GMEB2: variants seen among roughly 807,000 people sequenced by gnomAD.
GMEB2 encodes the protein glucocorticoid modulatory element binding protein 2.
GMEB2 carries 7 observed loss-of-function variants against 45.7 expected under a neutral mutation model. That is an observed-to-expected ratio of 0.15 (90% CI 0.09 to 0.29). The LOEUF is 0.29. Ranked by LOEUF, GMEB2 falls within the 10% of genes least tolerant of loss-of-function variation. The probability of loss-of-function intolerance (pLI) is 1.00; values close to 1 mark genes in which losing one functional copy is unlikely to be tolerated. For missense variants in GMEB2, 582 were observed against 739.2 expected (o/e 0.79, Z 2.47); for synonymous variants, 322 against 323.6 (o/e 1.00, Z 0.05).
rs780762820 is a variant in GMEB2, at chr20:63,593,106, G to A, written c.620-24C>T. 4.4e-5 allele frequency: 66 copies of A among 1,514,230 alleles called. No individual in the cohort carries two copies. Among genetic ancestry groups the A allele is most frequent in the Non-Finnish European group, 3.5e-5 (38 of 1,093,450 alleles). The allele number at this position is 1,514,230 out of a possible 1,614,324, so 93.8% of individuals were successfully genotyped here. ...CACTGCAGCCGAAAGGGAACCTCGGGTGAGTGCTGTTTGGACCACAGTCCC... is the reference window on the plus strand; with the variant it reads ...CACTGCAGCCGAAAGGGAACCTCGGATGAGTGCTGTTTGGACCACAGTCCC... On this transcript the variant is annotated intron_variant, in intron 6 of 9. Coordinates refer to ENST00000370077, the MANE Select transcript of GMEB2 (RefSeq NM_012384.5). This position sits in a 1 kb window ranked among gnomAD's most constrained non-coding sequence, Gnocchi z 4.7.
At chr20:63,626,833 G>GCCCTC (rs2089678529) in intron 1 of GMEB2, 123 bp downstream of exon 1, 1 of 146,390 alleles carries the variant, frequency 6.8e-6, no homozygotes, top group Non-Finnish European at 1.5e-5. Flanking sequence ...CCCTCCCCCG[G>GCCCTC]CCCTCCCCTC....
At chr20:63,599,230 A>ACGCGGCCG (rs2083223756) in intron 4 of GMEB2, among the ~76,000 whole-genome samples, 1 of 151,342 alleles carries the variant, frequency 6.6e-6, no homozygotes, top group Admixed American at 6.6e-5. Flanking sequence ...CCCGGAGCTA[A>ACGCGGCCG]CTCGGCCCGC....
intron 2 of GMEB2, among the ~76,000 whole-genome samples, chr20:63,606,636 T>C (rs4809584): frequency 0.79 from 120,022 of 152,154 alleles, 49,025 homozygotes; most frequent in Non-Finnish European, 0.92. Flanking sequence ...CATGAGCCAC[T>C]GCGCCCAGCC....
At chr20:63,614,539 G>C (rs553238584) in intron 2 of GMEB2, among the ~76,000 whole-genome samples, 1 of 152,076 alleles carries the variant, frequency 6.6e-6, no homozygotes, top group Non-Finnish European at 1.5e-5. Flanking sequence ...TTCCCCGGGG[G>C]AGTTTAGAGA....
chr20:63,612,459 T>C (rs1418668113), intron 2 of GMEB2, among the ~76,000 whole-genome samples: 1 of 152,156 alleles, frequency 6.6e-6, no homozygotes, highest in East Asian at 1.9e-4. Flanking sequence ...AGACCCGACG[T>C]GGCCACAAGG....
In GMEB2 at chr20:63,619,294, A is replaced by C. The variant is rs1282413198; in HGVS notation, c.104T>G (p.Leu35Trp). ...GTGAGGGGCCAAGTTGGTCGTCACC[A>C]ACACGGTCTTCACCCCCTCCACACC... The part of the protein sequence containing the change: ...GSGVEGVKTV[L>W]VTTNLAPHGG... The change falls in exon 2 of 10, where the codon TTG becomes TGG. Residue 35 changes from leucine (L) to tryptophan (W), a missense_variant. Transcript: ENST00000370077. The surrounding 1 kb of genome is among the most constrained non-coding windows in gnomAD (Gnocchi z 4.6). 1.2e-5 allele frequency: 20 copies of C among 1,612,222 alleles called. No individual in the cohort carries two copies. The highest frequency in any genetic ancestry group is 1.6e-5 in the Non-Finnish European group (19 of 1,179,670).
chr20:63,620,042 G>A (rs1247250071), intron 1 of GMEB2, among the ~76,000 whole-genome samples: 1 of 152,144 alleles, frequency 6.6e-6, no homozygotes, highest in Non-Finnish European at 1.5e-5. Context: ...CCACCTCCTG[G>A]GTTCAAGTGA....
intron 3 of GMEB2, 24 bp from the exon 4 acceptor site, chr20:63,603,116 G>C: frequency 6.2e-7 from 1 of 1,613,134 alleles, no homozygotes; most frequent in Non-Finnish European, 8.5e-7. Flanking sequence ...CATTGACAGG[G>C]AAGGGTAAAA....
chr20:63,599,874 C>T (rs1410101747), intron 4 of GMEB2, among the ~76,000 whole-genome samples: 4 of 152,148 alleles, frequency 2.6e-5, no homozygotes, highest in Non-Finnish European at 5.9e-5. Context: ...GAAGCAGAGA[C>T]GTCGGGCCCC....
intron 2 of GMEB2, among the ~76,000 whole-genome samples, chr20:63,614,074 C>T (rs1172139824): frequency 6.6e-6 from 1 of 152,044 alleles, no homozygotes. Context: ...CTGGTATGGG[C>T]GGCAAGCCAC....
At chr20:63,607,332 C>G (rs548143088) in intron 2 of GMEB2, among the ~76,000 whole-genome samples, 54 of 63,346 alleles carry the variant, frequency 8.5e-4, no homozygotes, top group African/African-American at 1.2e-3. Context: ...ACATGCCCCT[C>G]TGACCTCACC....
In GMEB2 at chr20:63,605,087, T is replaced by C. The variant is rs4444600; in HGVS notation, c.132-247A>G. On this transcript the variant is annotated intron_variant, in intron 2 of 9. Transcript: ENST00000370077. ...CCAACACGGTGAAACCCCATCTCTATTTAAAAAAATACAAAAATTACCTGG... is the reference window on the plus strand; with the variant it reads ...CCAACACGGTGAAACCCCATCTCTACTTAAAAAAATACAAAAATTACCTGG... Among the ~76,000 whole-genome samples the C allele has an allele frequency of 0.79, 119,722 of 151,410 alleles. 48,913 individuals carry two copies. The highest frequency in any genetic ancestry group is 0.92 in the Non-Finnish European group (62,309 of 67,942).
At chr20:63,604,220 G>C (rs1211261361) in intron 3 of GMEB2, among the ~76,000 whole-genome samples, 1 of 86,374 alleles carries the variant, frequency 1.2e-5, no homozygotes, top group East Asian at 2.7e-4. Context: ...AAAAAAAAAA[G>C]TTTTTTAATT....
chr20:63,612,972 T>C (rs1332542483), intron 2 of GMEB2, among the ~76,000 whole-genome samples: 1 of 152,040 alleles, frequency 6.6e-6, no homozygotes, highest in Non-Finnish European at 1.5e-5. Flanking sequence ...TTTTCTTTTT[T>C]TTTTTCGGAG....
chr20:63,599,083 G>T (rs372174468), intron 4 of GMEB2, among the ~76,000 whole-genome samples: 1 of 152,154 alleles, frequency 6.6e-6, no homozygotes, highest in Non-Finnish European at 1.5e-5. Context: ...AGCATGTCAC[G>T]CTTACCAGAG....
intron 1 of GMEB2, among the ~76,000 whole-genome samples, chr20:63,624,414 G>C (rs1160391246): frequency 1.3e-5 from 2 of 149,648 alleles, no homozygotes; most frequent in Non-Finnish European, 3.0e-5. Flanking sequence ...AGACAACAGA[G>C]CGAGACTCTG....
At chr20:63,615,743 G>A (rs1391322751) in intron 2 of GMEB2, among the ~76,000 whole-genome samples, 1 of 152,232 alleles carries the variant, frequency 6.6e-6, no homozygotes, top group Non-Finnish European at 1.5e-5. Flanking sequence ...GTGTACAGTG[G>A]GGTCTCATGC....
intron 4 of GMEB2, among the ~76,000 whole-genome samples, chr20:63,599,463 G>A (rs144425599): frequency 6.6e-6 from 1 of 152,152 alleles, no homozygotes; most frequent in Admixed American, 6.5e-5. Context: ...TGGCAAACTC[G>A]TGTCTTTTTC....
chr20:63,617,840 G>A (rs1234797526), intron 2 of GMEB2, among the ~76,000 whole-genome samples: 5 of 151,952 alleles, frequency 3.3e-5, no homozygotes, highest in Non-Finnish European at 7.4e-5. Context: ...CCACCCAGAC[G>A]CCTGGGTGGG....
Sources: allele counts gnomAD v4.1 joint callset (sites outside exome capture counted in the v4.1 genomes callset), GRCh38; gene constraint gnomAD v4.1.1; non-coding constraint Gnocchi (gnomAD v3.1); transcripts MANE v1.5; gene names NCBI Gene and HGNC (gene_info 2026-07-23, HGNC 2026-07-21).